The following ANXA10 variants were observed in gnomAD, a reference collection of about 807,000 sequenced individuals.
ANXA10 encodes the protein annexin 14.
A neutral mutation model predicts 53.5 loss-of-function variants in ANXA10; 49 were observed. The ratio of observed to expected loss-of-function variants is 0.92; its 90% CI spans 0.73 to 1.16. The LOEUF (loss-of-function observed/expected upper bound fraction) is 1.16, where lower values mean the gene tolerates loss of function less well. ANXA10 is among the 50% of genes most tolerant of loss of function. The probability of loss-of-function intolerance (pLI) is 0.00; values close to 1 mark genes in which losing one functional copy is unlikely to be tolerated. For missense variants in ANXA10, 393 were observed against 394.4 expected (o/e 1.00, Z 0.03); for synonymous variants, 131 against 128.9 (o/e 1.02, Z -0.11).
intron 6 of ANXA10, among the ~76,000 whole-genome samples, chr4:168,173,649 C>G (rs945655057): frequency 2.0e-5 from 3 of 152,110 alleles, no homozygotes; most frequent in African/African-American, 7.2e-5. Context: ...AGGAGACAGA[C>G]AAATCTTTAG....
intron 3 of ANXA10, among the ~76,000 whole-genome samples, chr4:168,140,618 C>CTTTTTTTT (rs35945870): frequency 1.4e-5 from 2 of 147,050 alleles, no homozygotes; most frequent in Non-Finnish European, 3.0e-5. Flanking sequence ...TAAGAAATGT[C>CTTTTTTTT]TTTTTTTTTT....
chr4:168,179,338 AACAG>A (rs1459320067), intron 9 of ANXA10, 26 bp downstream of exon 9: 4 of 1,488,634 alleles, frequency 2.7e-6, no homozygotes, highest in Non-Finnish European at 2.8e-6. Flanking sequence ...TTTGAAGCAC[AACAG>A]ACATTTTATT....
At chr4:168,118,481 G>A (rs373897326) in intron 1 of ANXA10, among the ~76,000 whole-genome samples, 6 of 152,170 alleles carry the variant, frequency 3.9e-5, no homozygotes, top group South Asian at 2.1e-4. Context: ...CCTGAGAAGT[G>A]ACTGTAATCT....
At chr4:168,157,556 G>A (rs1031400311) in intron 3 of ANXA10, among the ~76,000 whole-genome samples, 10 of 152,248 alleles carry the variant, frequency 6.6e-5, no homozygotes, top group Admixed American at 2.0e-4. Context: ...AAGCCACCAC[G>A]CCCGGCCAGT....
intron 11 of ANXA10, among the ~76,000 whole-genome samples, chr4:168,186,315 C>T (rs900933342): frequency 6.6e-6 from 1 of 152,116 alleles, no homozygotes; most frequent in African/African-American, 2.4e-5. Flanking sequence ...TTAAAACCTC[C>T]CTAATTTTCT....
At chr4:168,185,085 C>T (rs1337390106) in intron 11 of ANXA10, among the ~76,000 whole-genome samples, 1 of 151,970 alleles carries the variant, frequency 6.6e-6, no homozygotes, top group African/African-American at 2.4e-5. Context: ...ACCCGGGAGG[C>T]GGAGCTTGCA....
rs144584318 is a variant in ANXA10 at position 168,128,036 on chromosome 4, C to T, written c.19-48C>T. ...ACTGTGCCCGGCCACAATGTTGAAA[C>T]ATTAACATGAATTATTACAATCACT... On this transcript the variant is annotated intron_variant, in intron 1 of 11. Coordinates refer to ENST00000359299, the MANE Select transcript of ANXA10 (RefSeq NM_007193.5). 1,324 of 1,526,652 alleles carry T rather than the reference C, an allele frequency of 8.7e-4. 13 individuals carry two copies. The African/African-American group carries it at 0.017, about 19-fold the overall frequency. 94.6% of individuals were successfully genotyped at this position (1,526,652 alleles called of 1,614,324 possible).
chr4:168,094,472 G>A (rs1360434546), intron 1 of ANXA10, among the ~76,000 whole-genome samples: 1 of 151,984 alleles, frequency 6.6e-6, no homozygotes, highest in African/African-American at 2.4e-5. Context: ...GTGCTAAAAA[G>A]GCCAATATTT....
intron 2 of ANXA10, among the ~76,000 whole-genome samples, chr4:168,129,564 A>G (rs772216417): frequency 6.6e-6 from 1 of 152,132 alleles, no homozygotes; most frequent in Non-Finnish European, 1.5e-5. Flanking sequence ...CACGGTGTCC[A>G]CTGTAGCATG....
At chr4:168,104,288 A>G (rs1730685286) in intron 1 of ANXA10, among the ~76,000 whole-genome samples, 1 of 151,956 alleles carries the variant, frequency 6.6e-6, no homozygotes, top group South Asian at 2.1e-4. Context: ...ATATTAGTAC[A>G]TTGAATTTTC....
intron 1 of ANXA10, among the ~76,000 whole-genome samples, chr4:168,098,932 A>T (rs980230376): frequency 6.6e-6 from 1 of 152,124 alleles, no homozygotes; most frequent in African/African-American, 2.4e-5. Context: ...TTGGCTTTTC[A>T]TCTTTATTTG....
chr4:168,099,835 A>G (rs1185601526), intron 1 of ANXA10, among the ~76,000 whole-genome samples: 1 of 152,094 alleles, frequency 6.6e-6, no homozygotes, highest in Non-Finnish European at 1.5e-5. Flanking sequence ...TATTTTAGTC[A>G]TTTGGCAGAG....
At chr4:168,184,419 C>A (rs1016501586) in intron 10 of ANXA10, 140 bp from the exon 11 acceptor site, 10 of 929,472 alleles carry the variant, frequency 1.1e-5, no homozygotes, top group African/African-American at 6.6e-5. Flanking sequence ...TGAACCACAG[C>A]CTGTGTGGCC....
intron 1 of ANXA10, among the ~76,000 whole-genome samples, chr4:168,120,123 T>TA (rs535608082): frequency 2.0e-5 from 3 of 152,022 alleles, no homozygotes; most frequent in African/African-American, 4.8e-5. Flanking sequence ...CATGAAAGAT[T>TA]ATTTATAAGT....
At chr4:168,138,939 C>T (rs1731282570) in intron 2 of ANXA10, among the ~76,000 whole-genome samples, 1 of 152,028 alleles carries the variant, frequency 6.6e-6, no homozygotes. Context: ...TCATACGTTG[C>T]TTTTGTATCC....
chr4:168,123,743 T>A (rs184604424), intron 1 of ANXA10, among the ~76,000 whole-genome samples: 1 of 151,176 alleles, frequency 6.6e-6, no homozygotes, highest in African/African-American at 2.4e-5. Flanking sequence ...CAGCATGTTA[T>A]TTTTTTTTCA....
intron 3 of ANXA10, among the ~76,000 whole-genome samples, chr4:168,159,014 A>T (rs1731737043): frequency 6.6e-6 from 1 of 152,258 alleles, no homozygotes; most frequent in South Asian, 2.1e-4. Flanking sequence ...AAGCCTCATG[A>T]GAAGCAGATA....
rs539903427 is a variant in ANXA10 at position 168,153,495 on chromosome 4, A to T, written c.196-9033A>T. On this transcript the variant is annotated intron_variant, in intron 3 of 11. Coordinates refer to ENST00000359299, the MANE Select transcript of ANXA10 (RefSeq NM_007193.5). ...ACCAATAACAACAACAAAATAAGAC[A>T]GGTTGGACAAGCTTGGGATATAGTA... 4.1e-5 allele frequency among the ~76,000 whole-genome samples: 6 copies of T among 146,894 alleles called. No individual in the cohort carries two copies. In the South Asian group the frequency reaches 1.4e-3, roughly 34 times the overall value.
At chr4:168,162,469 C>G in intron 3 of ANXA10, 59 bp from the exon 4 acceptor site, 3 of 1,202,094 alleles carry the variant, frequency 2.5e-6, no homozygotes, top group Non-Finnish European at 3.7e-6. Context: ...CTGCAATTAT[C>G]TCATTTCTCT....
Sources: gnomAD v4.1 joint callset for allele counts (sites outside exome capture counted in the v4.1 genomes callset) on GRCh38, gnomAD v4.1.1 for gene constraint, MANE v1.5 for transcripts, NCBI Gene and HGNC (gene_info 2026-07-23, HGNC 2026-07-21) for gene names.